KLHL25: variants seen among roughly 807,000 people sequenced by gnomAD.
KLHL25 encodes the protein kelch like family member 25, also known as kelch-like protein 25.
A neutral mutation model predicts 30.0 loss-of-function variants in KLHL25; 41 were observed. The ratio of observed to expected loss-of-function variants is 1.37; its 90% CI spans 1.07 to 1.78. The LOEUF is 1.78. Among genes scored for constraint, KLHL25 ranks in the 40% most tolerant of loss-of-function variants. The probability of loss-of-function intolerance (pLI) is 0.00; values close to 1 mark genes in which losing one functional copy is unlikely to be tolerated. For synonymous variants in KLHL25, 399 were observed against 355.3 expected (o/e 1.12, Z -1.38); for missense variants, 971 against 824.5 (o/e 1.18, Z -2.18).
In KLHL25 at chr15:85,760,361, G is replaced by C. The variant is rs866504518; in HGVS notation, c.*675C>G. 1 of 152,178 alleles carries C rather than the reference G, an allele frequency of 6.6e-6. No homozygotes were observed. The highest frequency in any genetic ancestry group is 6.5e-5 in the Admixed American group (1 of 15,280). The allele number at this position is 152,178 out of a possible 1,614,324, so 9.4% of individuals were successfully genotyped here. A position where few individuals can be genotyped will look rare whatever the true frequency, so the allele number is the denominator to read the frequency against. ...GGCCACGAGCAACTGTGTCCCCACC[G>C]GGCCACAGCACTGAGCAAGGCCCTG... On this transcript the variant is annotated 3_prime_UTR_variant, in exon 3 of 3. Transcript: ENST00000337975.
chr15:85,794,111 A>T (rs995531036), intron 1 of KLHL25, among the ~76,000 whole-genome samples: 69 of 152,220 alleles, frequency 4.5e-4, no homozygotes, highest in Admixed American at 1.3e-4. Context: ...TGGTAATTAG[A>T]GTCAGGCTAG....
chr15:85,774,261 T>G (rs1369724541), intron 1 of KLHL25, among the ~76,000 whole-genome samples: 1 of 152,180 alleles, frequency 6.6e-6, no homozygotes, highest in Non-Finnish European at 1.5e-5. Flanking sequence ...TGAGCTTTGA[T>G]GGATTTAAGG....
chr15:85,766,715 C>A (rs934945524), intron 2 of KLHL25, among the ~76,000 whole-genome samples: 1 of 152,218 alleles, frequency 6.6e-6, no homozygotes, highest in African/African-American at 2.4e-5. Context: ...AGCGATTCCA[C>A]ACAATGACAG....
At chr15:85,771,004 C>A (rs980862684) in intron 1 of KLHL25, 4 of 200,608 alleles carry the variant, frequency 2.0e-5, no homozygotes, top group Non-Finnish European at 4.1e-5. Flanking sequence ...TGGCCAACAC[C>A]CTTGAGGCCA....
In KLHL25 at chr15:85,769,337, G is replaced by T. The variant is rs976167417; in HGVS notation, c.474C>A (p.Ala158=). ...ACTCATACAGCCGGCGGCACTGGTG[G>T]GCGTCCGAGAGCAGCATCATGCCCA... ...NCLGMMLLSD[A]HQCRRLYEFS... is the part of the protein sequence containing the mutation. The change falls in exon 2 of 3, where the codon GCC becomes GCA. Residue 158 remains alanine (A), a synonymous_variant. Coordinates refer to ENST00000337975, the MANE Select transcript of KLHL25 (RefSeq NM_022480.4). 1 of 1,614,034 alleles carries T rather than the reference G, an allele frequency of 6.2e-7. No homozygotes were observed. Among genetic ancestry groups the T allele is most frequent in the African/African-American group, 1.3e-5 (1 of 74,956 alleles).
At chr15:85,788,617 A>C (rs1039570176) in intron 1 of KLHL25, among the ~76,000 whole-genome samples, 2 of 152,094 alleles carry the variant, frequency 1.3e-5, no homozygotes, top group Non-Finnish European at 2.9e-5. Context: ...CAACATGCCC[A>C]CTATTGAGAC....
At chr15:85,792,971 G>T (rs1284676235) in intron 1 of KLHL25, among the ~76,000 whole-genome samples, 1 of 152,122 alleles carries the variant, frequency 6.6e-6, no homozygotes, top group East Asian at 1.9e-4. Flanking sequence ...CACACAGCAG[G>T]TGCCCAATCA....
At chr15:85,794,061 G>A (rs2089834872) in intron 1 of KLHL25, among the ~76,000 whole-genome samples, 1 of 152,230 alleles carries the variant, frequency 6.6e-6, no homozygotes, top group Non-Finnish European at 1.5e-5. Flanking sequence ...GGGAGTGGGG[G>A]CGTAACATCG....
chr15:85,771,927 T>C (rs2089677651), intron 1 of KLHL25, among the ~76,000 whole-genome samples: 1 of 152,216 alleles, frequency 6.6e-6, no homozygotes. Flanking sequence ...CCTGAGAGAC[T>C]GCGCTGACCG....
intron 1 of KLHL25, among the ~76,000 whole-genome samples, chr15:85,781,351 G>A (rs2089741919): frequency 6.6e-6 from 1 of 152,218 alleles, no homozygotes; most frequent in Non-Finnish European, 1.5e-5. Flanking sequence ...GCACTCTGGA[G>A]AGAATGAGTG....
chr15:85,781,516 T>G (rs1057424033), intron 1 of KLHL25, among the ~76,000 whole-genome samples: 1 of 152,134 alleles, frequency 6.6e-6, no homozygotes, highest in Admixed American at 6.5e-5. Context: ...GTTTCGTTCT[T>G]TTTGCCCAGG....
Position 85,791,593 on chromosome 15 carries a change from TAAGA to T in KLHL25, c.-11+3169_-11+3172del, listed in dbSNP as rs908052009. 1.2e-4 allele frequency among the ~76,000 whole-genome samples: 17 copies of T among 147,436 alleles called. No individual in the cohort carries two copies. The East Asian group carries it at 3.2e-3, about 28-fold the overall frequency. ...AAGGAAAGCAGGAAAGGTTTAGCAG[TAAGA>T]AAGAGTGGCAAGAGAGGTAGGGGGC... On this transcript the variant is annotated intron_variant, in intron 1 of 2. Coordinates refer to ENST00000337975, the MANE Select transcript of KLHL25 (RefSeq NM_022480.4).
chr15:85,790,233 C>A (rs1170114458), intron 1 of KLHL25, among the ~76,000 whole-genome samples: 15 of 152,238 alleles, frequency 9.9e-5, no homozygotes, highest in Admixed American at 9.8e-4. Context: ...GGATTACAGG[C>A]ATGAGCCACC....
At chr15:85,777,730 C>T (rs1023174421) in intron 1 of KLHL25, among the ~76,000 whole-genome samples, 1 of 152,144 alleles carries the variant, frequency 6.6e-6, no homozygotes, top group Admixed American at 6.5e-5. Flanking sequence ...ACGGGTCAGG[C>T]GGTGCACCAC....
chr15:85,784,634 C>G (rs951397463), intron 1 of KLHL25, among the ~76,000 whole-genome samples: 1 of 152,120 alleles, frequency 6.6e-6, no homozygotes, highest in Admixed American at 6.6e-5. Context: ...CACATCACTG[C>G]AGGTTTGAAG....
intron 1 of KLHL25, among the ~76,000 whole-genome samples, chr15:85,779,717 T>C (rs1250348289): frequency 6.6e-6 from 1 of 152,214 alleles, no homozygotes; most frequent in Non-Finnish European, 1.5e-5. Flanking sequence ...CAAAGACTGA[T>C]TAAAGGCCTG....
intron 1 of KLHL25, among the ~76,000 whole-genome samples, chr15:85,792,332 C>T (rs2089823134): frequency 2.0e-5 from 3 of 152,328 alleles, no homozygotes; most frequent in African/African-American, 7.2e-5. Context: ...CCTTGGCTGG[C>T]TGAGGCAATT....
At chr15:85,793,229 T>A (rs1334057973) in intron 1 of KLHL25, among the ~76,000 whole-genome samples, 1 of 152,106 alleles carries the variant, frequency 6.6e-6, no homozygotes, top group East Asian at 1.9e-4. Context: ...GAGCATGCAA[T>A]TTGCCTATAG....
chr15:85,775,614 T>C (rs2089704330), intron 1 of KLHL25, among the ~76,000 whole-genome samples: 2 of 152,238 alleles, frequency 1.3e-5, no homozygotes, highest in South Asian at 4.1e-4. Context: ...TCTTGGAACT[T>C]GGGCCTGACT....
Sources: gnomAD v4.1 joint callset for allele counts (sites outside exome capture counted in the v4.1 genomes callset) on GRCh38, gnomAD v4.1.1 for gene constraint, MANE v1.5 for transcripts, NCBI Gene and HGNC (gene_info 2026-07-23, HGNC 2026-07-21) for gene names.